The following SP2 variants were observed in gnomAD, a reference collection of about 807,000 sequenced individuals.
SP2 encodes the protein transcription factor Sp2.
Under a neutral mutation model 50.1 loss-of-function variants are expected in SP2, and 9 were observed. That is an observed-to-expected ratio of 0.18 (90% confidence interval 0.11 to 0.31). The LOEUF is 0.31. Among genes scored for constraint, SP2 ranks in the 10% least tolerant of loss-of-function variants. The pLI, the probability that SP2 is intolerant of heterozygous loss-of-function variation, is 1.00. For synonymous variants in SP2, 313 were observed against 326.6 expected (o/e 0.96, Z 0.45); for missense variants, 581 against 806.5 (o/e 0.72, Z 3.39).
At chr17:47,896,571 A>G (rs1329350914) in intron 1 of SP2, among the ~76,000 whole-genome samples, 2 of 152,036 alleles carry the variant, frequency 1.3e-5, no homozygotes, top group Non-Finnish European at 2.9e-5. Context: ...GGCCGGCGAG[A>G]GGAGCGGGCA....
intron 3 of SP2, among the ~76,000 whole-genome samples, chr17:47,919,391 C>CA (rs1297877910): frequency 6.6e-6 from 1 of 151,940 alleles, no homozygotes; most frequent in Admixed American, 6.6e-5. Context: ...GCCTGGGTGA[C>CA]AGAGACCCTG....
At chr17:47,926,126 A>T (rs909951215) in intron 6 of SP2, among the ~76,000 whole-genome samples, 3 of 151,308 alleles carry the variant, frequency 2.0e-5, no homozygotes, top group Non-Finnish European at 4.4e-5. Flanking sequence ...CATGTTGGCC[A>T]GGCTGGTCTC....
At chr17:47,925,882 A>G (rs2144083433) in intron 6 of SP2, among the ~76,000 whole-genome samples, 1 of 124,176 alleles carries the variant, frequency 8.1e-6, no homozygotes, top group Non-Finnish European at 1.7e-5. Context: ...TAAGAACTTT[A>G]TGGGAAGATA....
At position 47,917,070 on chromosome 17, in the gene SP2, T is replaced by TGTACCCCAGAAGCCCTCC. The variant is rs1449053552; in HGVS notation, c.1000_1017dup (p.Val334_Ser339dup). ...AGGCGGCATCTGCCACCCTCCCCAC[T>TGTACCCCAGAAGCCCTCC]GTACCCCAGAAGCCCTCCCAGAACT... is the stretch of plus-strand genomic sequence containing the variant. On this transcript the variant is annotated inframe_insertion, in exon 3 of 7. Coordinates refer to ENST00000376741, the MANE Select transcript of SP2 (RefSeq NM_003110.6). The TGTACCCCAGAAGCCCTCC allele has an allele frequency of 1.2e-6, 2 of 1,613,604 alleles. No individual in the cohort carries two copies. The highest frequency in any genetic ancestry group is 1.7e-6 in the Non-Finnish European group (2 of 1,179,914).
chr17:47,905,189 T>A (rs1482906175), intron 1 of SP2, among the ~76,000 whole-genome samples: 3 of 152,186 alleles, frequency 2.0e-5, no homozygotes, highest in Admixed American at 6.5e-5. Context: ...CATACCCCAT[T>A]TGTGAGCTTT....
chr17:47,916,430 T>C lies in SP2; in HGVS notation c.359T>C (p.Ile120Thr). 1 of 1,614,014 alleles carries C rather than the reference T, an allele frequency of 6.2e-7. No homozygotes were observed. Among genetic ancestry groups the C allele is most frequent in the Non-Finnish European group, 8.5e-7 (1 of 1,180,002 alleles). ...LVFAIQNPTM[I>T]NKGTRSNANI... ...TTCGCTATCCAGAATCCCACCATGA[T>C]CAACAAAGGGACCCGATCAAATGCC... Residue 120 changes from isoleucine (I) to threonine (T), a missense_variant, in exon 3 of 7, where the codon ATC (isoleucine) becomes ACC (threonine). Coordinates refer to ENST00000376741, the MANE Select transcript of SP2 (RefSeq NM_003110.6). This position sits in a 1 kb window ranked among gnomAD's most constrained non-coding sequence, Gnocchi z 4.7.
chr17:47,919,589 C>G (rs933184875), intron 3 of SP2, among the ~76,000 whole-genome samples: 1 of 151,832 alleles, frequency 6.6e-6, no homozygotes, highest in Non-Finnish European at 1.5e-5. Context: ...CCACCATGAT[C>G]CCCCTTGTCA....
rs766177613 is a variant in SP2 at position 47,909,217 on chromosome 17, G to A, written c.8-6095G>A. On this transcript the variant is annotated intron_variant, in intron 1 of 6. Transcript: ENST00000376741. ...ATGTGGCCCAAGTGTGTAAACTACA[G>A]GAGGATATTATTTTTTTGTTCTATG... Among the ~76,000 whole-genome samples the A allele has an allele frequency of 5.3e-4, 81 of 152,302 alleles. 1 individual carries two copies. Among genetic ancestry groups the A allele is most frequent in the Non-Finnish European group, 1.0e-3 (68 of 68,030 alleles).
intron 3 of SP2, among the ~76,000 whole-genome samples, chr17:47,917,625 GTT>G (rs11287341): frequency 0.035 from 4,886 of 141,036 alleles, 259 homozygotes; most frequent in African/African-American, 0.11. Flanking sequence ...GTTTTAGGGT[GTT>G]TTTTTTTTTT....
rs769939626 is a variant in SP2, at chr17:47,916,900, A to G, written c.829A>G (p.Ile277Val). ...GCTGATCGAGACCACCGCGGACAAC[A>G]TCATCCAGGCAGGAAATAACCTGCT... ...TVLIETTADN[I>V]IQAGNNLLIV... Residue 277 changes from isoleucine (I) to valine (V), a missense_variant, in exon 3 of 7, where the codon ATC becomes GTC. Coordinates refer to ENST00000376741, the MANE Select transcript of SP2 (RefSeq NM_003110.6). The surrounding 1 kb of genome is among the most constrained non-coding windows in gnomAD (Gnocchi z 4.7). 1.9e-6 allele frequency: 3 copies of G among 1,614,064 alleles called. No homozygotes were observed. The highest frequency in any genetic ancestry group is 2.2e-5 in the East Asian group (1 of 44,892).
intron 6 of SP2, among the ~76,000 whole-genome samples, chr17:47,926,776 T>A (rs1030130631): frequency 6.6e-5 from 10 of 151,778 alleles, no homozygotes; most frequent in African/African-American, 1.2e-4. Context: ...AAAAAAGGAT[T>A]ATACATCTAC....
chr17:47,923,938 G>A (rs1476042036), intron 4 of SP2, among the ~76,000 whole-genome samples: 2 of 152,056 alleles, frequency 1.3e-5, no homozygotes, highest in African/African-American at 4.8e-5. Context: ...CTGACCTGGT[G>A]ATCCATCCGC....
At chr17:47,909,917 G>T (rs1012128053) in intron 1 of SP2, among the ~76,000 whole-genome samples, 42 of 152,136 alleles carry the variant, frequency 2.8e-4, no homozygotes, top group African/African-American at 8.4e-4. Flanking sequence ...GCACCATCTC[G>T]GCTCACTGCA....
chr17:47,916,988 C>T lies in SP2; in HGVS notation c.917C>T (p.Pro306Leu), dbSNP rs764754740. 1 of 1,614,154 alleles carries T rather than the reference C, an allele frequency of 6.2e-7. No homozygotes were observed. The highest frequency in any genetic ancestry group is 1.3e-5 in the African/African-American group (1 of 75,046). ...GTCCAGCAGGTCCAGGTGGTGCCCC[C>T]CAAGGCCGAGCAGCAGCAGGTGGTA... ...AVVQQVQVVP[P>L]KAEQQQVVQI... is the part of the protein sequence containing the mutation. Residue 306 changes from proline to leucine, a missense_variant, in exon 3 of 7, where the codon CCC becomes CTC. Coordinates refer to ENST00000376741, the MANE Select transcript of SP2 (RefSeq NM_003110.6). This position sits in a 1 kb window ranked among gnomAD's most constrained non-coding sequence, Gnocchi z 4.7.
chr17:47,897,656 G>A (rs1398134690), intron 1 of SP2, among the ~76,000 whole-genome samples: 2 of 152,232 alleles, frequency 1.3e-5, no homozygotes, highest in Non-Finnish European at 2.9e-5. Context: ...GGGCTAGAAA[G>A]TTTAGAGTGT....
chr17:47,907,917 T>C (rs2034828295), intron 1 of SP2, among the ~76,000 whole-genome samples: 1 of 152,230 alleles, frequency 6.6e-6, no homozygotes, highest in South Asian at 2.1e-4. Flanking sequence ...CCACTTTTCA[T>C]TTCCAAACAT....
chr17:47,902,665 T>C (rs961344719), intron 1 of SP2, among the ~76,000 whole-genome samples: 1 of 152,228 alleles, frequency 6.6e-6, no homozygotes, highest in Non-Finnish European at 1.5e-5. Context: ...ATGAAGTTAC[T>C]ATTCATTCAC....
In SP2 at chr17:47,924,965, C is replaced by A; in HGVS notation, c.1419C>A (p.Thr473=). 1 of 1,613,196 alleles carries A rather than the reference C, an allele frequency of 6.2e-7. No homozygotes were observed. The highest frequency in any genetic ancestry group is 1.1e-5 in the South Asian group (1 of 90,974). Residue 473 remains threonine, a synonymous_variant, in exon 5 of 7, where the codon ACC becomes ACA. Transcript: ENST00000376741. ...TVQNVSGNNL[T]ISGLSPTQIQ... is the part of the protein sequence containing the mutation. The stretch of plus-strand genomic sequence containing the variant: ...AGAATGTTTCTGGGAACAACCTGAC[C>A]ATCAGTGGGCTGAGCCCCACCCAGA...
intron 1 of SP2, among the ~76,000 whole-genome samples, chr17:47,897,128 C>T (rs75897047): frequency 0.025 from 3,752 of 152,288 alleles, 67 homozygotes; most frequent in Middle Eastern, 0.041. Context: ...AGAAATAAAA[C>T]AAAATAGATA....
Sources: allele counts gnomAD v4.1 joint callset (sites outside exome capture counted in the v4.1 genomes callset), GRCh38; gene constraint gnomAD v4.1.1; non-coding constraint Gnocchi (gnomAD v3.1); transcripts MANE v1.5; gene names NCBI Gene and HGNC (gene_info 2026-07-23, HGNC 2026-07-21).